The following TRAPPC9 variants were observed in gnomAD, a reference collection of about 807,000 sequenced individuals.
TRAPPC9 encodes trafficking protein particle complex subunit 9.
A neutral mutation model predicts 124.0 loss-of-function variants in TRAPPC9; 83 were observed. The observed-to-expected ratio is 0.67, with a 90% CI of 0.56 to 0.80. The LOEUF is 0.80. Ranked by LOEUF, TRAPPC9 falls within the 30% of genes least tolerant of loss-of-function variation. The pLI is 0.00. For synonymous variants in TRAPPC9, 638 were observed against 617.5 expected (o/e 1.03, Z -0.49); for missense variants, 1,302 against 1,508.3 (o/e 0.86, Z 2.27).
chr8:140,392,425 C>A (rs188185951), intron 7 of TRAPPC9, among the ~76,000 whole-genome samples: 1 of 152,228 alleles, frequency 6.6e-6, no homozygotes, highest in South Asian at 2.1e-4. Flanking sequence ...GCAGGCCTGA[C>A]TAGAAAATTC....
At chr8:140,149,065 G>A (rs1458387281) in intron 17 of TRAPPC9, among the ~76,000 whole-genome samples, 2 of 152,042 alleles carry the variant, frequency 1.3e-5, no homozygotes, top group African/African-American at 2.4e-5. Flanking sequence ...TGCTTTGCTG[G>A]GCTAAACCAG....
At chr8:139,820,160 G>GA (rs767915253) in intron 21 of TRAPPC9, among the ~76,000 whole-genome samples, 84 of 151,798 alleles carry the variant, frequency 5.5e-4, no homozygotes, top group Middle Eastern at 3.2e-3. Flanking sequence ...AATGGAGAGA[G>GA]AAAAAAAATT....
At chr8:140,397,034 G>T (rs1248205227) in intron 7 of TRAPPC9, among the ~76,000 whole-genome samples, 1 of 152,112 alleles carries the variant, frequency 6.6e-6, no homozygotes, top group Non-Finnish European at 1.5e-5. Context: ...TAAGCAAATT[G>T]TTTAACTTGG....
intron 17 of TRAPPC9, among the ~76,000 whole-genome samples, chr8:140,031,060 C>T (rs1208264341): frequency 6.6e-6 from 1 of 152,166 alleles, no homozygotes; most frequent in Non-Finnish European, 1.5e-5. Flanking sequence ...AATAGACATA[C>T]AATCACTCGT....
chr8:140,396,029 G>A (rs964765090), intron 7 of TRAPPC9, among the ~76,000 whole-genome samples: 3 of 151,878 alleles, frequency 2.0e-5, no homozygotes, highest in Admixed American at 2.0e-4. Context: ...GAAGCTGTCA[G>A]CACTGCTCGC....
chr8:140,146,956 C>T (rs1299783530), intron 17 of TRAPPC9, among the ~76,000 whole-genome samples: 1 of 151,822 alleles, frequency 6.6e-6, no homozygotes, highest in African/African-American at 2.4e-5. Flanking sequence ...GTACCTGTTA[C>T]CCACGCACTC....
At position 140,410,408 on chromosome 8, in the gene TRAPPC9, C is replaced by T. The variant is rs181716823; in HGVS notation, c.887-4710G>A. Among the ~76,000 whole-genome samples, 21 of 152,084 alleles carry T rather than the reference C, an allele frequency of 1.4e-4. No individual in the cohort carries two copies. In the East Asian group the frequency reaches 3.7e-3, roughly 27 times the overall value. ...AAATTTAGCCAGACATGGTGGCATG[C>T]GCCTGTAGTCCCAACTACTCAGGAG... is the stretch of plus-strand genomic sequence containing the variant. On this transcript the variant is annotated intron_variant, in intron 5 of 22. Coordinates refer to ENST00000438773, the MANE Select transcript of TRAPPC9 (RefSeq NM_001160372.4).
Position 140,451,228 on chromosome 8 carries a change from G to A in TRAPPC9, c.146C>T (p.Ser49Phe). Residue 49 changes from serine to phenylalanine, a missense_variant, in exon 2 of 23, where the codon TCC becomes TTC. Physicochemically the swap from Ser to Phe is radical, Grantham distance 155 (BLOSUM62 -2). This residue lies in a region of TRAPPC9 where 657 missense variants were observed against 811.2 expected (regional missense o/e 0.81). Transcript: ENST00000438773. ...GTAGCGGATGTAGAGGACTCGCTGG[G>A]AGTCCCGCACGCTGATCTGACTCAC... ...CSVSQISVRD[S>F]QRVLYIRYRH... 6.2e-7 allele frequency: 1 copy of A among 1,614,018 alleles called. No individual in the cohort carries two copies. The highest frequency in any genetic ancestry group is 8.5e-7 in the Non-Finnish European group (1 of 1,180,020).
intron 17 of TRAPPC9, among the ~76,000 whole-genome samples, chr8:140,215,066 T>A (rs1171170951): frequency 6.6e-6 from 1 of 152,116 alleles, no homozygotes; most frequent in African/African-American, 2.4e-5. Context: ...GCCACTTCAC[T>A]TGCACAGCTC....
At chr8:139,920,083 C>T (rs1016903332) in intron 19 of TRAPPC9, among the ~76,000 whole-genome samples, 4 of 152,320 alleles carry the variant, frequency 2.6e-5, no homozygotes, top group East Asian at 1.9e-4. Flanking sequence ...CGGTGGCTCA[C>T]GCCTGTAATC....
intron 18 of TRAPPC9, among the ~76,000 whole-genome samples, chr8:140,000,699 T>TG: frequency 6.6e-6 from 1 of 152,274 alleles, no homozygotes; most frequent in Non-Finnish European, 1.5e-5. Context: ...CTCATGCCAG[T>TG]TAGAATGGCA....
intron 19 of TRAPPC9, among the ~76,000 whole-genome samples, chr8:139,948,302 C>A (rs564569118): frequency 9.3e-4 from 141 of 150,824 alleles, no homozygotes; most frequent in African/African-American, 3.3e-3. Flanking sequence ...CACACTGTGA[C>A]GTACAGATCC....
Position 139,948,548 on chromosome 8 carries a change from C to G in TRAPPC9, c.2811-38248G>C, listed in dbSNP as rs185010898. On this transcript the variant is annotated intron_variant, in intron 19 of 22. Coordinates refer to ENST00000438773, the MANE Select transcript of TRAPPC9 (RefSeq NM_001160372.4). ...CAAATTACCAGGCTGGCCCGATGCCCTTCTCCCTAAGTTTTGTTCATTACG... is the reference window on the plus strand; with the variant it reads ...CAAATTACCAGGCTGGCCCGATGCCGTTCTCCCTAAGTTTTGTTCATTACG... Among the ~76,000 whole-genome samples, 17 of 152,280 alleles carry G rather than the reference C, an allele frequency of 1.1e-4. No individual in the cohort carries two copies. The East Asian group carries it at 3.3e-3, about 29-fold the overall frequency.
At chr8:140,025,209 A>G (rs912823636) in intron 17 of TRAPPC9, among the ~76,000 whole-genome samples, 10 of 152,216 alleles carry the variant, frequency 6.6e-5, no homozygotes, top group Non-Finnish European at 8.8e-5. Context: ...AAGAAGTTCA[A>G]CCAGGTTCCC....
intron 21 of TRAPPC9, among the ~76,000 whole-genome samples, chr8:139,756,556 TGAG>T (rs1040176696): frequency 7.2e-6 from 1 of 138,892 alleles, no homozygotes; most frequent in Non-Finnish European, 1.5e-5. Flanking sequence ...GGTTTGGGGA[TGAG>T]GACAGCAGGT....
chr8:140,337,719 C>A (rs1358481544), intron 9 of TRAPPC9, among the ~76,000 whole-genome samples: 1 of 152,176 alleles, frequency 6.6e-6, no homozygotes, highest in South Asian at 2.1e-4. Context: ...ACGTGATCAG[C>A]GGTGCTGTGA....
At chr8:140,409,362 G>A (rs890917193) in intron 5 of TRAPPC9, among the ~76,000 whole-genome samples, 1 of 152,096 alleles carries the variant, frequency 6.6e-6, no homozygotes, top group Admixed American at 6.6e-5. Flanking sequence ...CTGTGAGTGC[G>A]AATGATGCGG....
At chr8:140,307,226 C>T (rs2066162786) in intron 10 of TRAPPC9, among the ~76,000 whole-genome samples, 1 of 152,208 alleles carries the variant, frequency 6.6e-6, no homozygotes, top group African/African-American at 2.4e-5. Flanking sequence ...TGATGAGCCA[C>T]TCTGATAGCA....
intron 21 of TRAPPC9, among the ~76,000 whole-genome samples, chr8:139,744,341 C>G (rs1434991145): frequency 2.0e-5 from 3 of 152,200 alleles, no homozygotes; most frequent in African/African-American, 4.8e-5. Context: ...CCACCCCTCC[C>G]CACCCCTGCT....
Sources: allele counts gnomAD v4.1 joint callset (sites outside exome capture counted in the v4.1 genomes callset), GRCh38; gene constraint gnomAD v4.1.1; regional missense constraint gnomAD v4.1.1; transcripts MANE v1.5; gene names NCBI Gene and HGNC (gene_info 2026-07-23, HGNC 2026-07-21).